The following KYNU variants were observed in gnomAD, a reference collection of about 807,000 sequenced individuals.
The protein encoded by KYNU is kynureninase, also known as L-kynurenine hydrolase.
In KYNU, 54 loss-of-function variants were observed where a neutral mutation model predicts 59.2. The observed-to-expected ratio is 0.91, with a 90% CI of 0.73 to 1.14. The LOEUF is 1.14. Among genes scored for constraint, KYNU ranks in the 50% most tolerant of loss-of-function variants. The pLI, the probability that KYNU is intolerant of heterozygous loss-of-function variation, is 0.00. For synonymous variants in KYNU, 177 were observed against 192.0 expected (o/e 0.92, Z 0.65); for missense variants, 567 against 554.4 (o/e 1.02, Z -0.23).
chr2:143,023,198 C>G (rs1453504194), intron 10 of KYNU, among the ~76,000 whole-genome samples: 1 of 151,742 alleles, frequency 6.6e-6, no homozygotes, highest in Non-Finnish European at 1.5e-5. Flanking sequence ...GAAATTTTAC[C>G]AATTCAGTAT....
intron 1 of KYNU, among the ~76,000 whole-genome samples, chr2:142,878,027 T>C (rs1681156137): frequency 6.6e-6 from 1 of 152,332 alleles, no homozygotes; most frequent in East Asian, 1.9e-4. Context: ...AAGTTAGTCC[T>C]GTTCTTATTT....
In KYNU at chr2:142,960,633, A is replaced by G. The variant is rs606231307; in HGVS notation, c.592A>G (p.Thr198Ala). ...RMIKPREGEETLRIEDILEVI... is the reference protein window; with the variant it reads ...RMIKPREGEEALRIEDILEVI... ...GCCTAACTTGATTTAGGGGGAAGAA[A>G]CCTTAAGAATAGAGGATATCCTTGA... Residue 198 changes from threonine (T) to alanine (A), a missense_variant, in exon 8 of 14, where the codon ACC becomes GCC. Thr to Ala is a moderately conservative substitution (Grantham distance 58, BLOSUM62 0). Coordinates refer to ENST00000264170, the MANE Select transcript of KYNU (RefSeq NM_003937.3). The G allele has an allele frequency of 3.7e-6, 6 of 1,613,654 alleles. No homozygotes were observed. In the Admixed American group the frequency reaches 5.0e-5, roughly 13 times the overall value.
In KYNU at chr2:143,046,189, C is replaced by A. The variant is rs983015998; in HGVS notation, c.*4017C>A. 1 of 152,132 alleles carries A rather than the reference C, an allele frequency of 6.6e-6. No homozygotes were observed. Among genetic ancestry groups the A allele is most frequent in the African/African-American group, 2.4e-5 (1 of 41,460 alleles). The allele number at this position is 152,132 out of a possible 1,614,324, so 9.4% of individuals were successfully genotyped here. Reference sequence around the variant, plus strand: ...TAACCATCGAATTATATTTTGTTTTCTTCATTCCCTTACTTTCTTTAAGTT... The same window carrying A: ...TAACCATCGAATTATATTTTGTTTTATTCATTCCCTTACTTTCTTTAAGTT... On this transcript the variant is annotated 3_prime_UTR_variant, in exon 14 of 14. Coordinates refer to ENST00000264170, the MANE Select transcript of KYNU (RefSeq NM_003937.3).
Position 143,044,481 on chromosome 2 carries a change from C to G in KYNU, c.*2309C>G, listed in dbSNP as rs577184244. 6.6e-6 allele frequency: 1 copy of G among 152,296 alleles called. No individual in the cohort carries two copies. The highest frequency in any genetic ancestry group is 6.5e-5 in the Admixed American group (1 of 15,288). 9.4% of individuals were successfully genotyped at this position (152,296 alleles called of 1,614,324 possible). Reference sequence around the variant, plus strand: ...TAAAAGCATTCCTATTTCTCCACATCCTCTCAGCATCTGTTGTTTCTTGAC... The same window carrying G: ...TAAAAGCATTCCTATTTCTCCACATGCTCTCAGCATCTGTTGTTTCTTGAC... On this transcript the variant is annotated 3_prime_UTR_variant, in exon 14 of 14. Transcript: ENST00000264170.
chr2:142,924,808 C>G (rs1320726805), intron 3 of KYNU, among the ~76,000 whole-genome samples: 2 of 152,162 alleles, frequency 1.3e-5, no homozygotes, highest in Non-Finnish European at 2.9e-5. Flanking sequence ...TTTTTCTTAA[C>G]TTTAATACTG....
rs375813192 is a variant in KYNU at position 142,957,681 on chromosome 2, T to C, written c.548T>C (p.Ile183Thr). 273 of 1,605,658 alleles carry C rather than the reference T, an allele frequency of 1.7e-4. No individual in the cohort carries two copies. Among genetic ancestry groups the C allele is most frequent in the Non-Finnish European group, 2.3e-4 (266 of 1,172,808 alleles). ...CAACTACAACTTCACGGACTTAACA[T>C]TGAAGAAAGTATGCGGATGATAAAG... Reference protein sequence around the residue: ...ESQLQLHGLNIEESMRMIKPR... With the variant: ...ESQLQLHGLNTEESMRMIKPR... Residue 183 changes from isoleucine (I) to threonine (T), a missense_variant, in exon 7 of 14, where the codon ATT becomes ACT. Physicochemically the swap from Ile to Thr is moderately conservative, Grantham distance 89. Transcript: ENST00000264170.
intron 10 of KYNU, among the ~76,000 whole-genome samples, chr2:143,019,459 C>T (rs1686347772): frequency 6.6e-6 from 1 of 151,784 alleles, no homozygotes; most frequent in African/African-American, 2.4e-5. Flanking sequence ...ATGTTGATGG[C>T]TCAAGCATGT....
intron 10 of KYNU, among the ~76,000 whole-genome samples, chr2:143,005,515 A>G (rs370008284): frequency 2.6e-5 from 4 of 152,204 alleles, no homozygotes; most frequent in African/African-American, 4.8e-5. Flanking sequence ...TGACGAAAAA[A>G]TAAGAAGAAA....
intron 2 of KYNU, among the ~76,000 whole-genome samples, chr2:142,895,850 CA>C (rs1158504512): frequency 6.6e-6 from 1 of 152,064 alleles, no homozygotes; most frequent in Non-Finnish European, 1.5e-5. Context: ...ACACCAGTCT[CA>C]TTTTTTAACT....
intron 10 of KYNU, among the ~76,000 whole-genome samples, chr2:142,998,262 G>C (rs1283714145): frequency 6.6e-6 from 1 of 152,126 alleles, no homozygotes; most frequent in Non-Finnish European, 1.5e-5. Flanking sequence ...AATGATTTAT[G>C]AGCCCATTGT....
rs1687006271 is a variant in KYNU at position 143,040,359 on chromosome 2, TTTACTC to T, written c.1042-65_1042-60del. The T allele has an allele frequency of 4.7e-6, 5 of 1,067,434 alleles. No individual in the cohort carries two copies. The Admixed American group carries it at 8.6e-5, about 18-fold the overall frequency. 66.1% of individuals were successfully genotyped at this position (1,067,434 alleles called of 1,614,324 possible). On this transcript the variant is annotated intron_variant, in intron 12 of 13. Coordinates refer to ENST00000264170, the MANE Select transcript of KYNU (RefSeq NM_003937.3). ...ATGGGCATTTCCTTTTTATGCATGA[TTTACTC>T]TTAATTTTTGCTTCTTTGTAAATCA...
intron 7 of KYNU, among the ~76,000 whole-genome samples, chr2:142,958,774 G>A (rs764234489): frequency 6.6e-5 from 10 of 152,088 alleles, no homozygotes; most frequent in Admixed American, 2.0e-4. Context: ...AGAGAGGGCC[G>A]TATCCTGTCG....
chr2:143,037,727 A>G (rs1161501776), intron 12 of KYNU, among the ~76,000 whole-genome samples: 1 of 152,154 alleles, frequency 6.6e-6, no homozygotes, highest in Non-Finnish European at 1.5e-5. Context: ...CACAGTTTTC[A>G]TTTTTTCTAA....
chr2:143,032,082 C>T (rs1029854871), intron 11 of KYNU, among the ~76,000 whole-genome samples: 3 of 152,008 alleles, frequency 2.0e-5, no homozygotes, highest in African/African-American at 7.2e-5. Context: ...TCGAGACCAC[C>T]CTGGCTAACA....
chr2:143,013,254 C>T (rs1396547740), intron 10 of KYNU, among the ~76,000 whole-genome samples: 1 of 151,502 alleles, frequency 6.6e-6, no homozygotes, highest in Non-Finnish European at 1.5e-5. Context: ...AATAATATTT[C>T]TCTCTCTCTC....
chr2:142,898,674 G>A (rs1360286843), intron 2 of KYNU, among the ~76,000 whole-genome samples: 1 of 152,128 alleles, frequency 6.6e-6, no homozygotes, highest in African/African-American at 2.4e-5. Flanking sequence ...TGGGAATACT[G>A]ACGCTCTTAC....
chr2:142,897,005 A>G (rs924929682), intron 2 of KYNU, among the ~76,000 whole-genome samples: 3 of 152,212 alleles, frequency 2.0e-5, no homozygotes, highest in Admixed American at 2.0e-4. Flanking sequence ...CATCAGTCTT[A>G]AAGACTTCTT....
Position 143,021,913 on chromosome 2 carries a change from T to C in KYNU, c.903-7714T>C, listed in dbSNP as rs144195632. Reference sequence around the variant, plus strand: ...AATATTGTTCAAGTATTTTTATTGTTCAGGAATGCAGGTCTTGAACACTTT... The same window carrying C: ...AATATTGTTCAAGTATTTTTATTGTCCAGGAATGCAGGTCTTGAACACTTT... On this transcript the variant is annotated intron_variant, in intron 10 of 13. Coordinates refer to ENST00000264170, the MANE Select transcript of KYNU (RefSeq NM_003937.3). 7.8e-3 allele frequency among the ~76,000 whole-genome samples: 1,189 copies of C among 152,304 alleles called. 9 individuals are homozygous for C. The highest frequency in any genetic ancestry group is 0.027 in the African/African-American group (1,139 of 41,562).
intron 4 of KYNU, among the ~76,000 whole-genome samples, chr2:142,945,083 T>A (rs1246798367): frequency 6.6e-6 from 1 of 152,246 alleles, no homozygotes; most frequent in Non-Finnish European, 1.5e-5. Flanking sequence ...TAATGGCTGC[T>A]GACCAATTGG....
Sources: allele counts gnomAD v4.1 joint callset (sites outside exome capture counted in the v4.1 genomes callset), GRCh38; gene constraint gnomAD v4.1.1; transcripts MANE v1.5; gene names NCBI Gene and HGNC (gene_info 2026-07-23, HGNC 2026-07-21).